The following CDH20 variants were observed in gnomAD, a reference collection of about 807,000 sequenced individuals.
CDH20 encodes the protein cadherin-20.
Under a neutral mutation model 74.2 loss-of-function variants are expected in CDH20, and 29 were observed. That is an observed-to-expected ratio of 0.39 (90% confidence interval 0.29 to 0.53). The LOEUF (loss-of-function observed/expected upper bound fraction) is 0.53. CDH20 is among the 20% of genes least tolerant of loss of function. The pLI, the probability that CDH20 is intolerant of heterozygous loss-of-function variation, is 0.69. For synonymous variants in CDH20, 469 were observed against 405.4 expected (o/e 1.16, Z -1.88); for missense variants, 988 against 1,048.3 (o/e 0.94, Z 0.79).
At chr18:61,540,293 G>A (rs1409660318) in intron 9 of CDH20, among the ~76,000 whole-genome samples, 2 of 152,188 alleles carry the variant, frequency 1.3e-5, no homozygotes, top group African/African-American at 4.8e-5. Flanking sequence ...TGATAAGGCA[G>A]GGACTCATGC....
intron 1 of CDH20, among the ~76,000 whole-genome samples, chr18:61,399,697 T>A (rs1414690271): frequency 6.6e-6 from 1 of 152,190 alleles, no homozygotes; most frequent in Non-Finnish European, 1.5e-5. Context: ...TATATTGGAA[T>A]GGAAAAAATT....
At chr18:61,395,712 T>C (rs1826105677) in intron 1 of CDH20, among the ~76,000 whole-genome samples, 1 of 152,232 alleles carries the variant, frequency 6.6e-6, no homozygotes, top group Non-Finnish European at 1.5e-5. Flanking sequence ...TAAAAACATA[T>C]ATATTTTCAA....
intron 8 of CDH20, 129 bp downstream of exon 8, chr18:61,536,758 G>GC: frequency 8.8e-6 from 7 of 794,736 alleles, no homozygotes; most frequent in Non-Finnish European, 1.4e-5. Flanking sequence ...CATGCTTTAT[G>GC]CAAGTAAGTA....
At chr18:61,346,514 A>T (rs1292477092) in intron 1 of CDH20, among the ~76,000 whole-genome samples, 1 of 152,228 alleles carries the variant, frequency 6.6e-6, no homozygotes, top group Non-Finnish European at 1.5e-5. Context: ...TAAAAAATTG[A>T]AAAGCATAGC....
At chr18:61,543,699 G>A (rs1913123860) in intron 9 of CDH20, among the ~76,000 whole-genome samples, 1 of 152,142 alleles carries the variant, frequency 6.6e-6, no homozygotes, top group African/African-American at 2.4e-5. Context: ...ATCTTTGCTA[G>A]CTCTCCCTCC....
At chr18:61,340,552 A>G (rs987883380) in intron 1 of CDH20, among the ~76,000 whole-genome samples, 1 of 152,192 alleles carries the variant, frequency 6.6e-6, no homozygotes, top group Admixed American at 6.5e-5. Context: ...CTTACTAAAT[A>G]GCAGCTTATA....
Position 61,353,463 on chromosome 18 carries a change from A to G in CDH20, c.-153+19636A>G, listed in dbSNP as rs1034806042. ...AAAATGGACTTCATATTGCAATACCAGTACTAATCATTTGTCTACTTGTGG... is the reference window on the plus strand; with the variant it reads ...AAAATGGACTTCATATTGCAATACCGGTACTAATCATTTGTCTACTTGTGG... On this transcript the variant is annotated intron_variant, in intron 1 of 11. Transcript: ENST00000262717. The surrounding 1 kb of genome is among the most constrained non-coding windows in gnomAD (Gnocchi z 4.6). Among the ~76,000 whole-genome samples, 5 of 152,210 alleles carry G rather than the reference A, an allele frequency of 3.3e-5. No individual in the cohort carries two copies. The highest frequency in any genetic ancestry group is 9.6e-5 in the African/African-American group (4 of 41,460).
intron 1 of CDH20, among the ~76,000 whole-genome samples, chr18:61,351,643 A>T (rs1051578987): frequency 5.5e-5 from 6 of 108,730 alleles, no homozygotes; most frequent in Non-Finnish European, 6.5e-5. Context: ...AGTCTAATTA[A>T]AAAAAAAAAA....
chr18:61,380,138 C>T (rs1599047060), intron 1 of CDH20, among the ~76,000 whole-genome samples: 1 of 152,164 alleles, frequency 6.6e-6, no homozygotes, highest in Non-Finnish European at 1.5e-5. Flanking sequence ...GCAGATAAAA[C>T]CCCCTGAAGG....
intron 7 of CDH20, among the ~76,000 whole-genome samples, chr18:61,531,828 T>C (rs1912654415): frequency 6.6e-6 from 1 of 152,168 alleles, no homozygotes; most frequent in African/African-American, 2.4e-5. Context: ...CCCTTGGCAC[T>C]TATTCTCTCT....
intron 6 of CDH20, among the ~76,000 whole-genome samples, chr18:61,521,521 T>C (rs1047463515): frequency 6.6e-6 from 1 of 151,360 alleles, no homozygotes; most frequent in African/African-American, 2.5e-5. Context: ...GCATTCCTTC[T>C]GAAACTATTC....
chr18:61,474,564 A>C (rs1209346281), intron 1 of CDH20, among the ~76,000 whole-genome samples: 2 of 152,134 alleles, frequency 1.3e-5, no homozygotes, highest in Non-Finnish European at 2.9e-5. Flanking sequence ...CTACTCTTTT[A>C]ATATTGCGGT....
intron 1 of CDH20, among the ~76,000 whole-genome samples, chr18:61,486,822 T>A (rs1160827992): frequency 6.6e-6 from 1 of 152,176 alleles, no homozygotes. Context: ...TCTATAGAGA[T>A]GTCATTTGAG....
At chr18:61,425,150 T>C (rs1014141756) in intron 1 of CDH20, among the ~76,000 whole-genome samples, 1 of 151,800 alleles carries the variant, frequency 6.6e-6, no homozygotes, top group Non-Finnish European at 1.5e-5. Context: ...AACAACTTAC[T>C]GAAGATGCAA....
chr18:61,471,482 G>A (rs1402281121), intron 1 of CDH20, among the ~76,000 whole-genome samples: 1 of 152,170 alleles, frequency 6.6e-6, no homozygotes, highest in Non-Finnish European at 1.5e-5. Context: ...GTTATCAATT[G>A]CTTCTCTTTA....
At chr18:61,407,043 G>A (rs4940520) in intron 1 of CDH20, among the ~76,000 whole-genome samples, 150,048 of 152,330 alleles carry the variant, frequency 0.99, 73,940 homozygotes, top group East Asian at 1. Flanking sequence ...AAGAATAACT[G>A]CTCCTCAAGT....
At chr18:61,538,478 C>T (rs1056169362) in intron 8 of CDH20, among the ~76,000 whole-genome samples, 7 of 152,040 alleles carry the variant, frequency 4.6e-5, no homozygotes, top group Non-Finnish European at 2.9e-5. Flanking sequence ...CATGTCCGGC[C>T]ACACTCTTAG....
At chr18:61,382,665 T>G (rs1405929570) in intron 1 of CDH20, among the ~76,000 whole-genome samples, 1 of 152,194 alleles carries the variant, frequency 6.6e-6, no homozygotes, top group African/African-American at 2.4e-5. Flanking sequence ...TCATACTTGG[T>G]GATGGTACAC....
At chr18:61,349,340 G>T (rs909698519) in intron 1 of CDH20, among the ~76,000 whole-genome samples, 4 of 152,186 alleles carry the variant, frequency 2.6e-5, no homozygotes, top group African/African-American at 9.7e-5. Context: ...ACTGTTAGCA[G>T]TTTGAAATTC....
Sources: allele counts gnomAD v4.1 joint callset (sites outside exome capture counted in the v4.1 genomes callset), GRCh38; gene constraint gnomAD v4.1.1; non-coding constraint Gnocchi (gnomAD v3.1); transcripts MANE v1.5; gene names NCBI Gene and HGNC (gene_info 2026-07-23, HGNC 2026-07-21).